AUTS2: variants seen among roughly 807,000 people sequenced by gnomAD.
AUTS2 encodes activator of transcription and developmental regulator AUTS2, also known as autism susceptibility gene 2 protein.
AUTS2 carries 17 observed loss-of-function variants against 112.4 expected under a neutral mutation model. The ratio of observed to expected loss-of-function variants is 0.15; its 90% CI spans 0.10 to 0.23. The LOEUF (loss-of-function observed/expected upper bound fraction) is 0.23. AUTS2 is among the 10% of genes least tolerant of loss of function. The probability of loss-of-function intolerance (pLI) is 1.00; values close to 1 mark genes in which losing one functional copy is unlikely to be tolerated. For synonymous variants in AUTS2, 751 were observed against 702.7 expected, an observed-to-expected ratio of 1.07 and a Z score of -1.09; for missense variants, 1,510 against 1,701.6, an observed-to-expected ratio of 0.89 and a Z score of 1.98.
At chr7:69,914,146 C>T (rs1795467516) in intron 2 of AUTS2, among the ~76,000 whole-genome samples, 1 of 152,138 alleles carries the variant, frequency 6.6e-6, no homozygotes, top group Non-Finnish European at 1.5e-5. Context: ...TTCTGCTGCA[C>T]TCCAAGCTCT....
chr7:69,709,670 G>A (rs988329150), intron 1 of AUTS2, among the ~76,000 whole-genome samples: 2 of 152,154 alleles, frequency 1.3e-5, no homozygotes, highest in African/African-American at 4.8e-5. Context: ...TGACTCAAGT[G>A]GAAAGGGCAA....
chr7:70,136,395 A>T (rs935046982), intron 4 of AUTS2, among the ~76,000 whole-genome samples: 2 of 152,206 alleles, frequency 1.3e-5, no homozygotes, highest in African/African-American at 4.8e-5. Context: ...TTGTTATGTT[A>T]TCAGAGTGCA....
At chr7:69,995,267 TA>T (rs1798897574) in intron 2 of AUTS2, among the ~76,000 whole-genome samples, 2 of 152,190 alleles carry the variant, frequency 1.3e-5, no homozygotes, top group South Asian at 4.1e-4. Context: ...TTACTCTCCC[TA>T]CCCCTAACTT....
chr7:70,488,668 C>T (rs1053991581), intron 5 of AUTS2, among the ~76,000 whole-genome samples: 23 of 152,146 alleles, frequency 1.5e-4, no homozygotes, highest in Admixed American at 7.9e-4. Flanking sequence ...AATTGAGCCT[C>T]AGGATCGTCC....
intron 2 of AUTS2, among the ~76,000 whole-genome samples, chr7:70,077,581 T>C (rs1055015401): frequency 6.6e-6 from 1 of 152,196 alleles, no homozygotes; most frequent in African/African-American, 2.4e-5. Flanking sequence ...CACATCTAAA[T>C]ATTGTTCTTT....
In AUTS2 at chr7:70,051,367, C is replaced by T. The variant is rs62458797; in HGVS notation, c.523-66765C>T. ...AGAAAGAAATGAGAGAACATTAAGC[C>T]ACAGAAAGCAAATAATGGTCAAAAT... On this transcript the variant is annotated intron_variant, in intron 2 of 18. Coordinates refer to ENST00000342771, the MANE Select transcript of AUTS2 (RefSeq NM_015570.4). 3.2e-3 allele frequency among the ~76,000 whole-genome samples: 481 copies of T among 152,206 alleles called. 3 individuals carry two copies. The highest frequency in any genetic ancestry group is 5.4e-3 in the South Asian group (26 of 4,820).
intron 5 of AUTS2, among the ~76,000 whole-genome samples, chr7:70,550,084 G>A (rs1800957293): frequency 6.6e-6 from 1 of 152,128 alleles, no homozygotes. Flanking sequence ...GGGGCATATT[G>A]GAAATGCATT....
At chr7:70,779,666 G>GGACAT (rs1473363844) in intron 14 of AUTS2, among the ~76,000 whole-genome samples, 1 of 152,182 alleles carries the variant, frequency 6.6e-6, no homozygotes, top group Non-Finnish European at 1.5e-5. Flanking sequence ...GGATCCCTCA[G>GGACAT]GACATGAGGG....
Position 70,790,225 on chromosome 7 carries a change from G to C in AUTS2, c.3009G>C (p.Ser1003=), listed in dbSNP as rs765428815. The C allele has an allele frequency of 1.9e-6, 3 of 1,612,462 alleles. No homozygotes were observed. The highest frequency in any genetic ancestry group is 1.7e-5 in the Admixed American group (1 of 59,976). The change falls in exon 19 of 19, where the codon TCG becomes TCC. Residue 1003 remains serine, a synonymous_variant. Transcript: ENST00000342771. This position sits in a 1 kb window ranked among gnomAD's most constrained non-coding sequence, Gnocchi z 7.6. ...AGGCCCCGCAGACCCACCGGGCCTC[G>C]GAGCCGCCGCCTCCCAACTCCTCGT... ...PPEAPQTHRA[S]EPPPPNSSSS...
chr7:69,936,424 A>G lies in AUTS2; in HGVS notation c.522+36926A>G, dbSNP rs536313371. Among the ~76,000 whole-genome samples the G allele has an allele frequency of 7.9e-5, 12 of 152,066 alleles. No homozygotes were observed. In the South Asian group the frequency reaches 2.5e-3, roughly 32 times the overall value. ...GAGTGCAGTGGCGTGATCTCGGCTCATTGCAAGCTCCACCTCCTGGGTTCA... is the reference window on the plus strand; with the variant it reads ...GAGTGCAGTGGCGTGATCTCGGCTCGTTGCAAGCTCCACCTCCTGGGTTCA... On this transcript the variant is annotated intron_variant, in intron 2 of 18. Coordinates refer to ENST00000342771, the MANE Select transcript of AUTS2 (RefSeq NM_015570.4).
At chr7:69,784,982 A>AG (rs1481856229) in intron 1 of AUTS2, among the ~76,000 whole-genome samples, 1 of 152,126 alleles carries the variant, frequency 6.6e-6, no homozygotes, top group African/African-American at 2.4e-5. Context: ...GGTGGTGATG[A>AG]GGACATATTT....
chr7:70,471,549 T>G (rs1797383120), intron 5 of AUTS2, among the ~76,000 whole-genome samples: 1 of 152,204 alleles, frequency 6.6e-6, no homozygotes, highest in Non-Finnish European at 1.5e-5. Context: ...CAAATATTTT[T>G]TGTATGCCTA....
At chr7:70,431,908 CT>C (rs563951579) in intron 4 of AUTS2, among the ~76,000 whole-genome samples, 72 of 152,346 alleles carry the variant, frequency 4.7e-4, no homozygotes, top group African/African-American at 1.7e-3. Context: ...CATTTGAGGC[CT>C]TTGGCCAGGC....
intron 2 of AUTS2, among the ~76,000 whole-genome samples, chr7:70,013,742 G>A (rs773118154): frequency 2.6e-5 from 4 of 152,112 alleles, no homozygotes; most frequent in Non-Finnish European, 5.9e-5. Flanking sequence ...TTTTTGAGAC[G>A]GAGTCTCTCT....
intron 5 of AUTS2, among the ~76,000 whole-genome samples, chr7:70,477,693 T>C (rs1392012705): frequency 6.6e-6 from 1 of 152,178 alleles, no homozygotes; most frequent in Non-Finnish European, 1.5e-5. Flanking sequence ...GGTAAGAATA[T>C]AGATTAAATC....
intron 5 of AUTS2, among the ~76,000 whole-genome samples, chr7:70,603,677 G>A (rs373374699): frequency 6.6e-6 from 1 of 152,190 alleles, no homozygotes; most frequent in Admixed American, 6.5e-5. Context: ...CCTCGAGGAG[G>A]AGCCTGCAAA....
At chr7:70,407,093 C>G (rs1794569325) in intron 4 of AUTS2, among the ~76,000 whole-genome samples, 1 of 152,166 alleles carries the variant, frequency 6.6e-6, no homozygotes. Flanking sequence ...GTTATAACTC[C>G]CATGTTATGC....
intron 4 of AUTS2, among the ~76,000 whole-genome samples, chr7:70,385,202 C>T (rs1315028337): frequency 6.6e-6 from 1 of 152,180 alleles, no homozygotes; most frequent in Non-Finnish European, 1.5e-5. Flanking sequence ...AAACTGTTCT[C>T]CCTAAAGACA....
At chr7:70,282,219 C>T (rs1283264382) in intron 4 of AUTS2, among the ~76,000 whole-genome samples, 1 of 152,130 alleles carries the variant, frequency 6.6e-6, no homozygotes, top group Non-Finnish European at 1.5e-5. Flanking sequence ...CACCTCAAAA[C>T]TCTTCCAGCC....
Sources: gnomAD v4.1 joint callset for allele counts (sites outside exome capture counted in the v4.1 genomes callset) on GRCh38, gnomAD v4.1.1 for gene constraint, Gnocchi (gnomAD v3.1) non-coding constraint, MANE v1.5 for transcripts, NCBI Gene and HGNC (gene_info 2026-07-23, HGNC 2026-07-21) for gene names.